NTMT2: variants seen among roughly 807,000 people sequenced by gnomAD.
The protein encoded by NTMT2 is X-Pro-Lys N-terminal protein methyltransferase 1B.
Under a neutral mutation model 23.4 loss-of-function variants are expected in NTMT2, and 21 were observed. The observed-to-expected ratio is 0.90, with a 90% CI of 0.64 to 1.29. NTMT2 has a LOEUF of 1.29. Ranked by LOEUF, NTMT2 falls within the 50% of genes most tolerant of loss-of-function variation. The probability of loss-of-function intolerance (pLI) is 0.00; values close to 1 mark genes in which losing one functional copy is unlikely to be tolerated. For missense variants in NTMT2, 336 were observed against 352.0 expected (o/e 0.95, Z 0.36); for synonymous variants, 131 against 127.7 (o/e 1.03, Z -0.17).
Position 170,167,669 on chromosome 1 carries a change from T to C in NTMT2, c.764T>C (p.Val255Ala), listed in dbSNP as rs1673422578. 2.6e-6 allele frequency: 4 copies of C among 1,551,494 alleles called. No individual in the cohort carries two copies. Among genetic ancestry groups the C allele is most frequent in the African/African-American group, 1.4e-5 (1 of 72,996 alleles). ...AGCCTAATAAGGAAGAGTGGGCTGG[T>C]GGTGCTGGGCCAGGAGAAGCAGGAT... ...LRSLIRKSGL[V>A]VLGQEKQDGF... Residue 255 changes from valine (V) to alanine (A), a missense_variant, in exon 4 of 4, where the codon GTG becomes GCG. Val to Ala is a moderately conservative substitution (Grantham distance 64). Coordinates refer to ENST00000439373, the MANE Select transcript of NTMT2 (RefSeq NM_001136107.2).
At chr1:170,166,136 T>C (rs1006737957) in intron 2 of NTMT2, among the ~76,000 whole-genome samples, 17 of 84,638 alleles carry the variant, frequency 2.0e-4, no homozygotes, top group Non-Finnish European at 3.4e-4. Flanking sequence ...TTTTTTTTTT[T>C]TTTCTTTTTT....
At chr1:170,157,004 C>T (rs1571821613) in intron 1 of NTMT2, among the ~76,000 whole-genome samples, 1 of 151,932 alleles carries the variant, frequency 6.6e-6, no homozygotes, top group South Asian at 2.1e-4. Context: ...GCCAATAATC[C>T]CAGAGTAGCA....
At chr1:170,152,020 G>A (rs529836772) in intron 1 of NTMT2, among the ~76,000 whole-genome samples, 78 of 152,044 alleles carry the variant, frequency 5.1e-4, no homozygotes, top group African/African-American at 3.6e-4. Flanking sequence ...TGCTTATGTC[G>A]GTTAATCCCT....
chr1:170,164,257 A>G (rs1296522492), intron 2 of NTMT2, among the ~76,000 whole-genome samples: 2 of 152,186 alleles, frequency 1.3e-5, no homozygotes, highest in African/African-American at 2.4e-5. Flanking sequence ...AATAAAGTTC[A>G]TGGTGCTTTA....
intron 1 of NTMT2, among the ~76,000 whole-genome samples, chr1:170,159,020 G>A (rs1673216939): frequency 6.6e-6 from 1 of 151,202 alleles, no homozygotes. Flanking sequence ...TTGTTTTTCA[G>A]GCTTCTTATG....
At chr1:170,146,762 TAGTC>T (rs1271772878) in intron 1 of NTMT2, among the ~76,000 whole-genome samples, 3 of 152,200 alleles carry the variant, frequency 2.0e-5, no homozygotes, top group Non-Finnish European at 4.4e-5. Context: ...ATCACAAGAA[TAGTC>T]AGAGAGCCTA....
At chr1:170,159,762 T>C (rs10800501) in intron 1 of NTMT2, among the ~76,000 whole-genome samples, 58,609 of 152,124 alleles carry the variant, frequency 0.39, 13,273 homozygotes, top group East Asian at 0.69. Flanking sequence ...GAATGTCTTA[T>C]GATGAAAATA....
Position 170,160,525 on chromosome 1 carries a change from G to T in NTMT2, c.162G>T (p.Leu54Phe). 1 of 1,530,002 alleles carries T rather than the reference G, an allele frequency of 6.5e-7. No individual in the cohort carries two copies. The highest frequency in any genetic ancestry group is 8.8e-7 in the Non-Finnish European group (1 of 1,140,706). 94.8% of individuals were successfully genotyped at this position (1,530,002 alleles called of 1,614,324 possible). Residue 54 changes from leucine (L) to phenylalanine (F), a missense_variant, in exon 2 of 4, where the codon TTG becomes TTT. Coordinates refer to ENST00000439373, the MANE Select transcript of NTMT2 (RefSeq NM_001136107.2). ...ATAATGTTTCATTTGCAGTGAAATT[G>T]TACGCTTTAACAAGCCAAGTCATCA... ...YLLEKIPLVK[L>F]YALTSQVING...
intron 1 of NTMT2, among the ~76,000 whole-genome samples, chr1:170,155,265 G>A (rs1673142893): frequency 6.6e-6 from 1 of 152,108 alleles, no homozygotes; most frequent in African/African-American, 2.4e-5. Flanking sequence ...AAGAAGCTGA[G>A]GCTAACATGA....
intron 2 of NTMT2, among the ~76,000 whole-genome samples, chr1:170,162,004 C>T (rs1032511151): frequency 9.2e-5 from 14 of 152,126 alleles, no homozygotes; most frequent in Admixed American, 7.9e-4. Flanking sequence ...GCAGAAGAAT[C>T]GCTTGAACCC....
intron 2 of NTMT2, among the ~76,000 whole-genome samples, chr1:170,165,513 A>T (rs1329323826): frequency 2.0e-5 from 3 of 152,204 alleles, no homozygotes; most frequent in Non-Finnish European, 4.4e-5. Flanking sequence ...GCTGTATTTG[A>T]AATAAAATTC....
In NTMT2 at chr1:170,150,950, T is replaced by C. The variant is rs80107183; in HGVS notation, c.154+4689T>C. ...CAATCATTGAGGAATAACTTAACACTCAATGATTCTTCCAGTGCTATCCAC... is the reference window on the plus strand; with the variant it reads ...CAATCATTGAGGAATAACTTAACACCCAATGATTCTTCCAGTGCTATCCAC... On this transcript the variant is annotated intron_variant, in intron 1 of 3. Transcript: ENST00000439373. Among the ~76,000 whole-genome samples, 724 of 152,272 alleles carry C rather than the reference T, an allele frequency of 4.8e-3. 4 individuals are homozygous for C. Among genetic ancestry groups the C allele is most frequent in the African/African-American group, 0.017 (694 of 41,550 alleles).
In NTMT2 at chr1:170,160,645, C is replaced by T; in HGVS notation, c.282C>T (p.Ser94=). 5 of 1,543,692 alleles carry T rather than the reference C, an allele frequency of 3.2e-6. No homozygotes were observed. The highest frequency in any genetic ancestry group is 3.5e-6 in the Non-Finnish European group (4 of 1,144,970). Residue 94 remains serine, a synonymous_variant, in exon 2 of 4, where the codon TCC becomes TCT. Coordinates refer to ENST00000439373, the MANE Select transcript of NTMT2 (RefSeq NM_001136107.2). ...EGMMGNFIEL[S]SPDIQASQKF... ...TGATGGGAAATTTCATTGAACTGTCCAGCCCAGACATCCAGGCCTCTCAGA... is the reference window on the plus strand; with the variant it reads ...TGATGGGAAATTTCATTGAACTGTCTAGCCCAGACATCCAGGCCTCTCAGA...
chr1:170,152,957 C>T lies in NTMT2; in HGVS notation c.154+6696C>T, dbSNP rs1673099311. 3.3e-5 allele frequency among the ~76,000 whole-genome samples: 5 copies of T among 152,150 alleles called. No individual in the cohort carries two copies. In the South Asian group the frequency reaches 1.0e-3, roughly 32 times the overall value. On this transcript the variant is annotated intron_variant, in intron 1 of 3. Transcript: ENST00000439373. ...GGTGTTTGGGTCATGAAGATGGATC[C>T]CTCATGCCTTGGTGTTGTCCTTAAA...
chr1:170,152,312 G>GA (rs971153079), intron 1 of NTMT2, among the ~76,000 whole-genome samples: 4 of 152,164 alleles, frequency 2.6e-5, no homozygotes, highest in African/African-American at 9.7e-5. Context: ...ATCTCATCAT[G>GA]AAAAATCTGT....
At chr1:170,151,160 G>A (rs532260117) in intron 1 of NTMT2, among the ~76,000 whole-genome samples, 12 of 151,994 alleles carry the variant, frequency 7.9e-5, no homozygotes, top group African/African-American at 2.7e-4. Flanking sequence ...TGGTTATGAC[G>A]TTTCTTTTCT....
chr1:170,147,056 A>C (rs1672977638), intron 1 of NTMT2, among the ~76,000 whole-genome samples: 1 of 152,214 alleles, frequency 6.6e-6, no homozygotes, highest in African/African-American at 2.4e-5. Flanking sequence ...GTATCAGCCT[A>C]GTCTGTTTTC....
At chr1:170,147,802 G>T (rs1003840224) in intron 1 of NTMT2, among the ~76,000 whole-genome samples, 4 of 152,108 alleles carry the variant, frequency 2.6e-5, no homozygotes, top group Non-Finnish European at 5.9e-5. Context: ...AGCTGAAGAT[G>T]AGTTAAAAAG....
intron 1 of NTMT2, among the ~76,000 whole-genome samples, chr1:170,159,447 G>A (rs1248980363): frequency 1.5e-5 from 1 of 64,958 alleles, no homozygotes; most frequent in African/African-American, 5.3e-5. Context: ...TTTTTTTTTG[G>A]TTTCCATTCT....
Sources: allele counts gnomAD v4.1 joint callset (sites outside exome capture counted in the v4.1 genomes callset), GRCh38; gene constraint gnomAD v4.1.1; transcripts MANE v1.5; gene names NCBI Gene and HGNC (gene_info 2026-07-23, HGNC 2026-07-21).